AHCYL2: variants seen among roughly 807,000 people sequenced by gnomAD.
AHCYL2 encodes adenosylhomocysteinase like 2.
AHCYL2 carries 28 observed loss-of-function variants against 81.4 expected under a neutral mutation model. The observed-to-expected ratio is 0.34, with a 90% CI of 0.25 to 0.47. The LOEUF is 0.47. Among genes scored for constraint, AHCYL2 ranks in the 20% least tolerant of loss-of-function variants. The probability of loss-of-function intolerance (pLI) is 1.00; values close to 1 mark genes in which losing one functional copy is unlikely to be tolerated. For synonymous variants in AHCYL2, 272 were observed against 290.2 expected, an observed-to-expected ratio of 0.94 and a Z score of 0.64; for missense variants, 551 against 785.1, an observed-to-expected ratio of 0.70 and a Z score of 3.56.
At chr7:129,283,485 A>C (rs1435519758) in intron 1 of AHCYL2, 2 of 455,172 alleles carry the variant, frequency 4.4e-6, no homozygotes, top group African/African-American at 2.0e-5. Context: ...ATTATTTTAA[A>C]TACTTCTTAT....
intron 4 of AHCYL2, among the ~76,000 whole-genome samples, chr7:129,392,879 AC>A (rs1455625718): frequency 1.3e-4 from 20 of 152,222 alleles, no homozygotes; most frequent in African/African-American, 4.8e-4. Context: ...TGACCTTGAC[AC>A]TTTTGAAGAT....
chr7:129,414,621 A>C (rs1178888783), intron 12 of AHCYL2, among the ~76,000 whole-genome samples: 3 of 151,856 alleles, frequency 2.0e-5, no homozygotes, highest in Non-Finnish European at 4.4e-5. Context: ...GAGTTTCACC[A>C]TATTGGCTAG....
chr7:129,374,504 TAA>T (rs113939567), intron 1 of AHCYL2, among the ~76,000 whole-genome samples: 15 of 141,820 alleles, frequency 1.1e-4, no homozygotes, highest in African/African-American at 2.6e-4. Context: ...AGATTATCCT[TAA>T]AAAAAAAAAA....
chr7:129,283,397 G>C (rs1796517212), intron 1 of AHCYL2: 1 of 455,700 alleles, frequency 2.2e-6, no homozygotes, highest in Admixed American at 2.4e-5. Context: ...TATTTTCTCT[G>C]CTTTTTTTGT....
intron 1 of AHCYL2, among the ~76,000 whole-genome samples, chr7:129,227,780 A>G (rs1794282418): frequency 6.6e-6 from 1 of 152,140 alleles, no homozygotes; most frequent in Non-Finnish European, 1.5e-5. Context: ...CAGCAGCCTC[A>G]AGGCTATTGT....
intron 1 of AHCYL2, among the ~76,000 whole-genome samples, chr7:129,365,014 A>AT (rs1378714891): frequency 1.4e-4 from 22 of 152,250 alleles, no homozygotes; most frequent in Non-Finnish European, 1.8e-4. Context: ...TACGTACAGC[A>AT]TACATAAATT....
chr7:129,292,507 C>T (rs1796902710), intron 1 of AHCYL2, among the ~76,000 whole-genome samples: 1 of 152,198 alleles, frequency 6.6e-6, no homozygotes, highest in Admixed American at 6.5e-5. Flanking sequence ...TGGCTCACGC[C>T]TGTAATCCTA....
intron 12 of AHCYL2, among the ~76,000 whole-genome samples, chr7:129,420,682 C>T (rs557285887): frequency 4.0e-5 from 6 of 151,570 alleles, no homozygotes; most frequent in African/African-American, 1.5e-4. Context: ...GACAAGGTCT[C>T]ACTATGTTGC....
chr7:129,279,593 G>A (rs189284049), intron 1 of AHCYL2, among the ~76,000 whole-genome samples: 165 of 152,318 alleles, frequency 1.1e-3, no homozygotes, highest in African/African-American at 3.9e-3. Context: ...TAAAATGAAT[G>A]CAAGTTTAAG....
intron 12 of AHCYL2, among the ~76,000 whole-genome samples, chr7:129,420,192 C>T (rs547880254): frequency 4.6e-5 from 7 of 152,276 alleles, no homozygotes; most frequent in African/African-American, 1.7e-4. Context: ...GTGTCCTTTC[C>T]TTGATTCTGC....
At chr7:129,397,021 A>G (rs1334395654) in intron 4 of AHCYL2, among the ~76,000 whole-genome samples, 2 of 152,220 alleles carry the variant, frequency 1.3e-5, no homozygotes, top group African/African-American at 2.4e-5. Context: ...ACATAGAGTC[A>G]GCTGGAGCCT....
chr7:129,427,064 A>C lies in AHCYL2; in HGVS notation c.*19A>C. On this transcript the variant is annotated 3_prime_UTR_variant, in exon 17 of 17. Transcript: ENST00000325006. The surrounding 1 kb of genome is among the most constrained non-coding windows in gnomAD (Gnocchi z 5.5). ...GTATTAAGTTCCTGTAACTCAAACC[A>C]GAATTTTTAAGGAATAGAACTCCAA... The C allele has an allele frequency of 1.3e-6, 2 of 1,599,016 alleles. No individual in the cohort carries two copies. Among genetic ancestry groups the C allele is most frequent in the Non-Finnish European group, 1.7e-6 (2 of 1,166,394 alleles).
chr7:129,274,143 A>G (rs1796114652), intron 1 of AHCYL2, among the ~76,000 whole-genome samples: 1 of 152,188 alleles, frequency 6.6e-6, no homozygotes, highest in Non-Finnish European at 1.5e-5. Flanking sequence ...AGTAACTGTT[A>G]TGTGTCTCCT....
intron 1 of AHCYL2, among the ~76,000 whole-genome samples, chr7:129,272,173 G>A (rs1453402378): frequency 1.3e-5 from 2 of 152,196 alleles, no homozygotes; most frequent in Admixed American, 6.5e-5. Context: ...GAGAGGCTCA[G>A]CTGAGCTCCT....
intron 1 of AHCYL2, among the ~76,000 whole-genome samples, chr7:129,315,433 A>G (rs899870038): frequency 1.3e-5 from 2 of 152,002 alleles, no homozygotes; most frequent in Admixed American, 6.6e-5. Flanking sequence ...CTTGCATCCC[A>G]CATGTTCAGC....
chr7:129,286,447 TTTTG>T (rs904496344), intron 1 of AHCYL2, among the ~76,000 whole-genome samples: 9 of 151,034 alleles, frequency 6.0e-5, no homozygotes, highest in East Asian at 3.9e-4. Context: ...GAGTTAGTTT[TTTTG>T]TTTGTTTGTT....
At chr7:129,309,258 GT>G (rs1361901711) in intron 1 of AHCYL2, among the ~76,000 whole-genome samples, 3 of 150,410 alleles carry the variant, frequency 2.0e-5, no homozygotes, top group Non-Finnish European at 4.4e-5. Flanking sequence ...TTATGGTTAT[GT>G]CAGGTACAGT....
chr7:129,399,541 C>G (rs1795922032), intron 5 of AHCYL2, among the ~76,000 whole-genome samples: 1 of 151,884 alleles, frequency 6.6e-6, no homozygotes. Context: ...CTTAACTGGG[C>G]TATGAATTCT....
chr7:129,369,560 T>C (rs192799734), intron 1 of AHCYL2, among the ~76,000 whole-genome samples: 104 of 150,798 alleles, frequency 6.9e-4, no homozygotes, highest in Middle Eastern at 3.4e-3. Context: ...GTTTTTTTTT[T>C]TTTTTTTTTT....
Sources: gnomAD v4.1 joint callset for allele counts (sites outside exome capture counted in the v4.1 genomes callset) on GRCh38, gnomAD v4.1.1 for gene constraint, Gnocchi (gnomAD v3.1) non-coding constraint, MANE v1.5 for transcripts, NCBI Gene and HGNC (gene_info 2026-07-23, HGNC 2026-07-21) for gene names.